The following SF1 variants were observed in gnomAD, a reference collection of about 807,000 sequenced individuals.
SF1 encodes the protein splicing factor 1.
SF1 carries 7 observed loss-of-function variants against 62.5 expected under a neutral mutation model. That is an observed-to-expected ratio of 0.11 (90% CI 0.06 to 0.21). SF1 has a LOEUF of 0.21. Ranked by LOEUF, SF1 falls within the 10% of genes least tolerant of loss-of-function variation. The pLI is 1.00. For missense variants in SF1, 578 were observed against 884.0 expected, an observed-to-expected ratio of 0.65 and a Z score of 4.39; for synonymous variants, 394 against 323.6, an observed-to-expected ratio of 1.22 and a Z score of -2.33.
At position 64,778,428 on chromosome 11, in the gene SF1, C is replaced by G; in HGVS notation, c.-36G>C. ...GGGACAGGCACCGGCACCTGCTTTT[C>G]CTCTGCGGCGGCTTCTCCTTCGCAA... On this transcript the variant is annotated 5_prime_UTR_variant, in exon 1 of 13. Transcript: ENST00000377390. 8.2e-7 allele frequency: 1 copy of G among 1,222,936 alleles called. No homozygotes were observed. Among genetic ancestry groups the G allele is most frequent in the Admixed American group, 4.3e-5 (1 of 23,520 alleles). The allele number at this position is 1,222,936 out of a possible 1,614,324, so 75.8% of individuals were successfully genotyped here.
rs1426284493 is a variant in SF1, at chr11:64,764,666, A to T, written c.*1152T>A. ...CATCCCCGCTTTAGCGCAGTGTTGA[A>T]TCTAACACCGAAAAAAGCCCAGAGA... On this transcript the variant is annotated 3_prime_UTR_variant, in exon 13 of 13. Coordinates refer to ENST00000377390, the MANE Select transcript of SF1 (RefSeq NM_004630.4). 2.0e-5 allele frequency: 3 copies of T among 152,632 alleles called. No homozygotes were observed. Among genetic ancestry groups the T allele is most frequent in the African/African-American group, 7.2e-5 (3 of 41,454 alleles). The allele number at this position is 152,632 out of a possible 1,614,324, so 9.5% of individuals were successfully genotyped here.
intron 10 of SF1, 78 bp from the exon 11 acceptor site, chr11:64,767,329 T>C: frequency 7.1e-7 from 1 of 1,403,534 alleles, no homozygotes. Flanking sequence ...TAACCTCAGT[T>C]GCTATCCTTA....
intron 12 of SF1, 83 bp from the exon 13 acceptor site, chr11:64,766,238 G>T: frequency 1.1e-6 from 1 of 903,464 alleles, no homozygotes; most frequent in Non-Finnish European, 1.7e-6. Flanking sequence ...ATGGGGGCGA[G>T]GGGCGCCTGC....
At chr11:64,771,732 GAA>G in intron 3 of SF1, 1 of 985,320 alleles carries the variant, frequency 1.0e-6, no homozygotes, top group Non-Finnish European at 1.2e-6. Context: ...AAGTCTACAA[GAA>G]AAGTTTTAAA....
At chr11:64,774,305 C>T (rs1412632813) in intron 2 of SF1, among the ~76,000 whole-genome samples, 7 of 152,156 alleles carry the variant, frequency 4.6e-5, no homozygotes, top group East Asian at 3.8e-4. Flanking sequence ...ACTTGGCCCT[C>T]GGGCCTTGAC....
chr11:64,767,490 C>A, intron 10 of SF1, 81 bp downstream of exon 10: 1 of 1,406,668 alleles, frequency 7.1e-7, no homozygotes, highest in South Asian at 1.4e-5. Context: ...CACTTGAGAG[C>A]TGCTTCTAGC....
intron 2 of SF1, among the ~76,000 whole-genome samples, chr11:64,774,090 G>C (rs1346514315): frequency 6.6e-6 from 1 of 152,108 alleles, no homozygotes; most frequent in Non-Finnish European, 1.5e-5. Context: ...TACTCTTTCT[G>C]TACAACCAGA....
intron 3 of SF1, chr11:64,771,503 A>G: frequency 1.0e-6 from 1 of 985,438 alleles, no homozygotes; most frequent in South Asian, 4.7e-5. Flanking sequence ...GTTGGAGAGC[A>G]AGGACTGAAC....
At chr11:64,772,818 A>G (rs1283836588) in intron 3 of SF1, 1 of 985,332 alleles carries the variant, frequency 1.0e-6, no homozygotes, top group Non-Finnish European at 1.2e-6. Flanking sequence ...AAAAAAAGTA[A>G]TTTAGGGTTG....
rs762501845 is a variant in SF1, at chr11:64,766,973, CTGT to C, written c.1506_1508del (p.Gln506del). Reference sequence around the variant, plus strand: ...GAGGGGGTGGCGGAGGCTGCTGCTGCTGTTGTTGCCATGGGGGAAGAGGACCAG... The same window carrying C: ...GAGGGGGTGGCGGAGGCTGCTGCTGCTGTTGCCATGGGGGAAGAGGACCAG... On this transcript the variant is annotated inframe_deletion, in exon 12 of 13. Transcript: ENST00000377390. The C allele has an allele frequency of 5.5e-5, 83 of 1,504,024 alleles. 2 individuals are homozygous for C. The South Asian group carries it at 1.1e-3, about 20-fold the overall frequency. The allele number at this position is 1,504,024 out of a possible 1,614,324, so 93.2% of individuals were successfully genotyped here.
intron 2 of SF1, among the ~76,000 whole-genome samples, chr11:64,775,143 G>GT (rs1938982842): frequency 6.6e-6 from 1 of 152,084 alleles, no homozygotes; most frequent in Non-Finnish European, 1.5e-5. Context: ...AGGGGAGAAG[G>GT]TGAGTCTTCC....
At chr11:64,769,373 G>A (rs1288395004) in intron 6 of SF1, 35 bp from the exon 7 acceptor site, 1 of 1,613,188 alleles carries the variant, frequency 6.2e-7, no homozygotes, top group Non-Finnish European at 8.5e-7. Flanking sequence ...AAGTGCTTAG[G>A]GCCTCCACCT....
At chr11:64,777,856 C>T (rs1939597127) in intron 1 of SF1, 2 of 942,494 alleles carry the variant, frequency 2.1e-6, no homozygotes, top group Non-Finnish European at 1.3e-6. Flanking sequence ...CCAGGGGCGC[C>T]TCCGCCCGGG....
At chr11:64,773,273 C>T in intron 3 of SF1, 157 bp downstream of exon 3, 1 of 1,443,884 alleles carries the variant, frequency 6.9e-7, no homozygotes, top group Non-Finnish European at 9.1e-7. Flanking sequence ...GTTGACTGAC[C>T]ATACATATTT....
rs1227128880 is a variant in SF1 at position 64,765,793 on chromosome 11, ATATAT to A, written c.*20_*24del. On this transcript the variant is annotated 3_prime_UTR_variant, in exon 13 of 13. Coordinates refer to ENST00000377390, the MANE Select transcript of SF1 (RefSeq NM_004630.4). ...ACGAGACCAATTCTCTCTATATATA[ATATAT>A]ATTTTCTTAAAAAACAAGTCTAGTT... The A allele has an allele frequency of 2.0e-6, 3 of 1,524,080 alleles. No individual in the cohort carries two copies. Among genetic ancestry groups the A allele is most frequent in the African/African-American group, 1.4e-5 (1 of 71,202 alleles). The allele number at this position is 1,524,080 out of a possible 1,614,324, so 94.4% of individuals were successfully genotyped here.
intron 1 of SF1, chr11:64,777,850 G>A: frequency 1.2e-5 from 11 of 945,224 alleles, no homozygotes; most frequent in South Asian, 4.9e-5. Flanking sequence ...GCGCGCCCAG[G>A]GGCGCCTCCG....
At chr11:64,771,465 CTTGG>C in intron 3 of SF1, 1 of 985,398 alleles carries the variant, frequency 1.0e-6, no homozygotes, top group Non-Finnish European at 1.2e-6. Context: ...CTCCTATACC[CTTGG>C]TTTAGTTGAG....
Position 64,778,018 on chromosome 11 carries a change from G to A in SF1, c.31+344C>T, listed in dbSNP as rs896217495. Reference sequence around the variant, plus strand: ...CGCCGCCGGCCGGGCCCGGCTGCTGGTCCTTACGCGGCGGCTGGGGTGGCG... The same window carrying A: ...CGCCGCCGGCCGGGCCCGGCTGCTGATCCTTACGCGGCGGCTGGGGTGGCG... On this transcript the variant is annotated intron_variant, in intron 1 of 12. Coordinates refer to ENST00000377390, the MANE Select transcript of SF1 (RefSeq NM_004630.4). 206 of 1,006,206 alleles carry A rather than the reference G, an allele frequency of 2.0e-4. No homozygotes were observed. The African/African-American group carries it at 2.7e-3, about 13-fold the overall frequency. The allele number at this position is 1,006,206 out of a possible 1,614,324, so 62.3% of individuals were successfully genotyped here. A position where few individuals can be genotyped will look rare whatever the true frequency, so the allele number is the denominator to read the frequency against.
chr11:64,769,062 C>T lies in SF1; in HGVS notation c.847G>A (p.Gly283Arg). 1 of 1,614,162 alleles carries T rather than the reference C, an allele frequency of 6.2e-7. No homozygotes were observed. Among genetic ancestry groups the T allele is most frequent in the Non-Finnish European group, 8.5e-7 (1 of 1,179,968 alleles). The change falls in exon 8 of 13, where the codon GGA (glycine) becomes AGA (arginine). Residue 283 changes from glycine to arginine, a missense_variant. Physicochemically the swap from Gly to Arg is moderately radical, Grantham distance 125. This residue lies in a region of SF1 where 45 missense variants were observed against 97.8 expected (regional missense o/e 0.46). Transcript: ENST00000377390. ...ITNTTVCTKC[G>R]GAGHIASDCK... ...TCTGAAGCAATGTGGCCAGCCCCTCCACACTTGGTACACACTGTGGTGTTG... is the reference window on the plus strand; with the variant it reads ...TCTGAAGCAATGTGGCCAGCCCCTCTACACTTGGTACACACTGTGGTGTTG...
Sources: allele counts gnomAD v4.1 joint callset (sites outside exome capture counted in the v4.1 genomes callset), GRCh38; gene constraint gnomAD v4.1.1; regional missense constraint gnomAD v4.1.1; transcripts MANE v1.5; gene names NCBI Gene and HGNC (gene_info 2026-07-23, HGNC 2026-07-21).